PDK4: variants seen among roughly 807,000 people sequenced by gnomAD.
The protein encoded by PDK4 is pyruvate dehydrogenase kinase, isozyme 4.
PDK4 carries 43 observed loss-of-function variants against 51.7 expected under a neutral mutation model. The ratio of observed to expected loss-of-function variants is 0.83; its 90% CI spans 0.65 to 1.07. The LOEUF (loss-of-function observed/expected upper bound fraction) is 1.07, where lower values mean the gene tolerates loss of function less well. Ranked by LOEUF, PDK4 falls within the 50% of genes least tolerant of loss-of-function variation. The pLI, the probability that PDK4 is intolerant of heterozygous loss-of-function variation, is 0.00. For synonymous variants in PDK4, 170 were observed against 176.6 expected (o/e 0.96, Z 0.30); for missense variants, 498 against 503.5 (o/e 0.99, Z 0.10).
chr7:95,589,245 G>C (rs1431121115), intron 7 of PDK4, among the ~76,000 whole-genome samples: 1 of 152,154 alleles, frequency 6.6e-6, no homozygotes, highest in Admixed American at 6.5e-5. Flanking sequence ...TTCTGGACCT[G>C]AACTGCTGAG....
intron 7 of PDK4, 97 bp from the exon 8 acceptor site, chr7:95,587,922 T>A: frequency 1.3e-6 from 1 of 760,478 alleles, no homozygotes; most frequent in Middle Eastern, 2.3e-4. Flanking sequence ...GCACAGAGGG[T>A]AATTCAAAGT....
intron 6 of PDK4, 43 bp from the exon 7 acceptor site, chr7:95,589,759 C>A: frequency 9.5e-7 from 1 of 1,052,750 alleles, no homozygotes; most frequent in Non-Finnish European, 1.5e-6. Context: ...ACAAATACTT[C>A]ACTAAAATAA....
Position 95,587,822 on chromosome 7 carries a change from C to A in PDK4, c.775G>T (p.Ala259Ser), listed in dbSNP as rs758555265. 6.2e-7 allele frequency: 1 copy of A among 1,601,704 alleles called. No individual in the cohort carries two copies. The highest frequency in any genetic ancestry group is 8.6e-7 in the Non-Finnish European group (1 of 1,168,954). ...HHMLFELFKN[A>S]MRATVEHQEN... is the part of the protein sequence containing the mutation. ...TGGTGTTCAACTGTTGCCCGCATTG[C>A]ATTCTAAAACAAAGCAAACCATAAG... The change falls in exon 8 of 11, where the codon GCA (alanine) becomes TCA (serine). Residue 259 changes from alanine (A) to serine (S), a missense_variant. By Grantham distance (99) the Ala-to-Ser change is moderately conservative. Coordinates refer to ENST00000005178, the MANE Select transcript of PDK4 (RefSeq NM_002612.4).
chr7:95,586,194 G>GT (rs11377701), intron 10 of PDK4, among the ~76,000 whole-genome samples: 62,528 of 119,806 alleles, frequency 0.52, 17,588 homozygotes, highest in Admixed American at 0.62. Flanking sequence ...ATGCACCAAG[G>GT]TTTTTTTTTT....
At chr7:95,596,042 G>C in intron 1 of PDK4, 122 bp downstream of exon 1, 1 of 1,111,540 alleles carries the variant, frequency 9.0e-7, no homozygotes, top group Non-Finnish European at 1.3e-6. Context: ...AGGCTCCAGG[G>C]CTCAGCAGCA....
In PDK4 at chr7:95,592,785, A is replaced by G. The variant is rs1427009841; in HGVS notation, c.504T>C (p.Ser168=). ...FLDRFYMNRI[S]TRMLMNQHIL... is the part of the protein sequence containing the mutation. Reference sequence around the variant, plus strand: ...TGTGCTGGTTCATCAGCATCCGAGTAGAAATACGGTTCATGTAAAATCGAT... The same window carrying G: ...TGTGCTGGTTCATCAGCATCCGAGTGGAAATACGGTTCATGTAAAATCGAT... Residue 168 remains serine (S), a synonymous_variant, in exon 4 of 11, where the codon TCT becomes TCC. Coordinates refer to ENST00000005178, the MANE Select transcript of PDK4 (RefSeq NM_002612.4). 6.2e-7 allele frequency: 1 copy of G among 1,612,898 alleles called. No individual in the cohort carries two copies. The highest frequency in any genetic ancestry group is 8.5e-7 in the Non-Finnish European group (1 of 1,179,352).
chr7:95,590,042 A>C (rs1791532468), intron 6 of PDK4, among the ~76,000 whole-genome samples: 1 of 152,132 alleles, frequency 6.6e-6, no homozygotes, highest in Non-Finnish European at 1.5e-5. Flanking sequence ...TGCTGGGATG[A>C]TAGGCATGAA....
At chr7:95,590,323 G>T (rs995797897) in intron 6 of PDK4, among the ~76,000 whole-genome samples, 2 of 151,156 alleles carry the variant, frequency 1.3e-5, no homozygotes, top group Non-Finnish European at 2.9e-5. Context: ...CTTGTTTTTT[G>T]TATCACCCAA....
At chr7:95,592,686 G>GA in intron 4 of PDK4, 74 bp downstream of exon 4, 2 of 1,362,298 alleles carry the variant, frequency 1.5e-6, no homozygotes, top group Non-Finnish European at 2.1e-6. Flanking sequence ...GCTGATTAGT[G>GA]AGACATCTAG....
At chr7:95,586,866 C>T (rs1791488743) in intron 10 of PDK4, 144 bp downstream of exon 10, 1 of 566,026 alleles carries the variant, frequency 1.8e-6, no homozygotes. Context: ...GTACACACAC[C>T]CAGAAAGAGA....
In PDK4 at chr7:95,587,136, G is replaced by C. The variant is rs1791493383; in HGVS notation, c.982-13C>G. ...AACCAAAACCAGCCTAGAGAAGAGA[G>C]ACGTTATCAGGTAAAGAAGTGTATG... On this transcript the variant is annotated splice_polypyrimidine_tract_variant and intron_variant, in intron 9 of 10. Coordinates refer to ENST00000005178, the MANE Select transcript of PDK4 (RefSeq NM_002612.4). The C allele has an allele frequency of 1.4e-6, 2 of 1,461,428 alleles. No individual in the cohort carries two copies. The highest frequency in any genetic ancestry group is 1.7e-4 in the Middle Eastern group (1 of 5,732). The allele number at this position is 1,461,428 out of a possible 1,614,324, so 90.5% of individuals were successfully genotyped here. A position where few individuals can be genotyped will look rare whatever the true frequency, so the allele number is the denominator to read the frequency against.
chr7:95,590,932 T>TTTTG (rs1016005761), intron 6 of PDK4, among the ~76,000 whole-genome samples: 17 of 152,198 alleles, frequency 1.1e-4, no homozygotes, highest in East Asian at 3.9e-4. Context: ...AGAATTGAAA[T>TTTTG]TTTGTTTGTT....
chr7:95,596,408 G>C lies in PDK4; in HGVS notation c.-115C>G. Reference sequence around the variant, plus strand: ...GCGTCCGGGCGAGGACTGCAGGTGCGCTGGCTGGCTTGTGCGCCCCGGCCT... The same window carrying C: ...GCGTCCGGGCGAGGACTGCAGGTGCCCTGGCTGGCTTGTGCGCCCCGGCCT... On this transcript the variant is annotated 5_prime_UTR_variant, in exon 1 of 11. Coordinates refer to ENST00000005178, the MANE Select transcript of PDK4 (RefSeq NM_002612.4). 1 of 1,211,644 alleles carries C rather than the reference G, an allele frequency of 8.3e-7. No homozygotes were observed. The highest frequency in any genetic ancestry group is 1.1e-6 in the Non-Finnish European group (1 of 914,596). 75.1% of individuals were successfully genotyped at this position (1,211,644 alleles called of 1,614,324 possible).
At chr7:95,592,222 A>G (rs1395094214) in intron 5 of PDK4, among the ~76,000 whole-genome samples, 157 bp from the exon 6 acceptor site, 1 of 152,148 alleles carries the variant, frequency 6.6e-6, no homozygotes, top group African/African-American at 2.4e-5. Flanking sequence ...TTGAAGAAAA[A>G]TTAAGACAGT....
intron 4 of PDK4, 50 bp from the exon 5 acceptor site, chr7:95,592,647 G>T (rs926999653): frequency 1.4e-6 from 2 of 1,412,874 alleles, no homozygotes; most frequent in South Asian, 1.2e-5. Flanking sequence ...TCAGGATAAT[G>T]ATTAGTACTA....
In PDK4 at chr7:95,592,491, T is replaced by C; in HGVS notation, c.616+20A>G. The C allele has an allele frequency of 2.2e-6, 3 of 1,379,156 alleles. No individual in the cohort carries two copies. Among genetic ancestry groups the C allele is most frequent in the Non-Finnish European group, 3.1e-6 (3 of 965,790 alleles). The allele number at this position is 1,379,156 out of a possible 1,614,324, so 85.4% of individuals were successfully genotyped here. On this transcript the variant is annotated intron_variant, in intron 5 of 10. Coordinates refer to ENST00000005178, the MANE Select transcript of PDK4 (RefSeq NM_002612.4). ...TATTGTACATTTTCAATAAGGGAAG[T>C]GCAGAAATACAGAACATACCTTGGA... is the stretch of plus-strand genomic sequence containing the variant.
chr7:95,587,776 G>T lies in PDK4; in HGVS notation c.821C>A (p.Thr274Lys). 6.2e-7 allele frequency: 1 copy of T among 1,613,516 alleles called. No individual in the cohort carries two copies. The highest frequency in any genetic ancestry group is 1.1e-5 in the South Asian group (1 of 91,072). Residue 274 changes from threonine (T) to lysine (K), a missense_variant, in exon 8 of 11, where the codon ACA (threonine) becomes AAA (lysine). Physicochemically the swap from Thr to Lys is moderately conservative, Grantham distance 78. Coordinates refer to ENST00000005178, the MANE Select transcript of PDK4 (RefSeq NM_002612.4). Reference protein sequence around the residue: ...VEHQENQPSLTPIEVIVVLGK... With the variant: ...VEHQENQPSLKPIEVIVVLGK... Reference sequence around the variant, plus strand: ...CAAGACAACAATAACCTCTATTGGTGTAAGGGAAGGCTGATTTTCCTGGTG... The same window carrying T: ...CAAGACAACAATAACCTCTATTGGTTTAAGGGAAGGCTGATTTTCCTGGTG...
intron 5 of PDK4, 92 bp downstream of exon 5, chr7:95,592,419 A>C: frequency 1.3e-6 from 1 of 787,234 alleles, no homozygotes; most frequent in South Asian, 1.5e-5. Context: ...CTCTGTGAAT[A>C]TAAATTCATT....
intron 6 of PDK4, 81 bp from the exon 7 acceptor site, chr7:95,589,797 T>C (rs1424384901): frequency 3.6e-6 from 3 of 826,594 alleles, no homozygotes; most frequent in Non-Finnish European, 6.2e-6. Context: ...ATTAACATTT[T>C]AGACTTCAAG....
Sources: allele counts gnomAD v4.1 joint callset (sites outside exome capture counted in the v4.1 genomes callset), GRCh38; gene constraint gnomAD v4.1.1; transcripts MANE v1.5; gene names NCBI Gene and HGNC (gene_info 2026-07-23, HGNC 2026-07-21).